The following PTGR2 variants were observed in gnomAD, a reference collection of about 807,000 sequenced individuals.
PTGR2 encodes 15-oxoprostaglandin 13-reductase.
In PTGR2, 32 loss-of-function variants were observed where a neutral mutation model predicts 43.4. The observed-to-expected ratio is 0.74, with a 90% confidence interval of 0.56 to 0.99. The LOEUF (loss-of-function observed/expected upper bound fraction) is 0.99, where lower values mean the gene tolerates loss of function less well. Ranked by LOEUF, PTGR2 falls within the 50% of genes least tolerant of loss-of-function variation. The pLI is 0.00. For missense variants in PTGR2, 373 were observed against 420.0 expected, an observed-to-expected ratio of 0.89 and a Z score of 0.98; for synonymous variants, 106 against 139.2, an observed-to-expected ratio of 0.76 and a Z score of 1.68.
chr14:73,876,085 C>G (rs540195504), intron 4 of PTGR2, among the ~76,000 whole-genome samples: 2 of 152,040 alleles, frequency 1.3e-5, no homozygotes, highest in African/African-American at 2.4e-5. Context: ...TCCTTAAGTA[C>G]TGGGATTACA....
At position 73,880,151 on chromosome 14, in the gene PTGR2, A is replaced by G; in HGVS notation, c.826A>G (p.Ile276Val). 1 of 1,613,990 alleles carries G rather than the reference A, an allele frequency of 6.2e-7. No individual in the cohort carries two copies. The highest frequency in any genetic ancestry group is 8.5e-7 in the Non-Finnish European group (1 of 1,179,914). The stretch of plus-strand genomic sequence containing the variant: ...CCCGCTATCCCCTGCTATAGAGGCA[A>G]TCCAGAAAGAAAGAAACATCACAAG... ...PPPLSPAIEA[I>V]QKERNITRER... The change falls in exon 7 of 10, where the codon ATC becomes GTC. Residue 276 changes from isoleucine (I) to valine (V), a missense_variant. Ile to Val is a conservative substitution (Grantham distance 29). Transcript: ENST00000555661.
intron 1 of PTGR2, among the ~76,000 whole-genome samples, chr14:73,856,372 A>G (rs1786777364): frequency 6.6e-6 from 1 of 151,928 alleles, no homozygotes; most frequent in Non-Finnish European, 1.5e-5. Flanking sequence ...CAGCCTCCCA[A>G]GTAGCTGGGA....
At chr14:73,883,528 C>T (rs551928387) in intron 9 of PTGR2, among the ~76,000 whole-genome samples, 64 of 151,798 alleles carry the variant, frequency 4.2e-4, no homozygotes, top group Admixed American at 2.4e-3. Context: ...CTCTGTCACC[C>T]GGGCTGGAGT....
chr14:73,867,099 A>AC, intron 3 of PTGR2, among the ~76,000 whole-genome samples: 1 of 146,804 alleles, frequency 6.8e-6, no homozygotes, highest in African/African-American at 2.5e-5. Flanking sequence ...AAAAAAAAAA[A>AC]AAAAAAAAAC....
intron 3 of PTGR2, among the ~76,000 whole-genome samples, chr14:73,864,789 T>G (rs189572090): frequency 5.3e-5 from 8 of 152,310 alleles, no homozygotes; most frequent in Non-Finnish European, 1.0e-4. Context: ...CAAAAGTTTT[T>G]AATTTTGATA....
At chr14:73,853,821 T>G (rs1315878566) in intron 1 of PTGR2, among the ~76,000 whole-genome samples, 1 of 152,208 alleles carries the variant, frequency 6.6e-6, no homozygotes, top group Non-Finnish European at 1.5e-5. Context: ...AGAAGTACTC[T>G]GTTCTTCCTA....
intron 1 of PTGR2, among the ~76,000 whole-genome samples, chr14:73,853,372 G>C (rs943251178): frequency 6.6e-6 from 1 of 151,532 alleles, no homozygotes; most frequent in Non-Finnish European, 1.5e-5. Context: ...GCCCATGCTG[G>C]AGTGCAATGG....
At chr14:73,881,848 A>G (rs959517630) in intron 8 of PTGR2, among the ~76,000 whole-genome samples, 3 of 132,240 alleles carry the variant, frequency 2.3e-5, no homozygotes, top group Non-Finnish European at 4.6e-5. Context: ...CAGTGGCGCA[A>G]TCTCGGCTCA....
At chr14:73,878,678 G>A (rs2054917011) in intron 5 of PTGR2, 5 of 419,118 alleles carry the variant, frequency 1.2e-5, no homozygotes, top group Non-Finnish European at 2.4e-5. Context: ...ATGACCATAA[G>A]GGTAAACAAC....
chr14:73,884,080 A>AC lies in PTGR2; in HGVS notation c.980-19dup, dbSNP rs766428484. Reference sequence around the variant, plus strand: ...ATAGTGACATTTATCTTTTCAGATAACCTACTTTCTCTTTTTCCAGCTGCA... The same window carrying AC: ...ATAGTGACATTTATCTTTTCAGATAACCCTACTTTCTCTTTTTCCAGCTGCA... On this transcript the variant is annotated intron_variant, in intron 9 of 9. Transcript: ENST00000555661. 7 of 1,496,122 alleles carry AC rather than the reference A, an allele frequency of 4.7e-6. No individual in the cohort carries two copies. In the African/African-American group the frequency reaches 9.7e-5, roughly 21 times the overall value. 92.7% of individuals were successfully genotyped at this position (1,496,122 alleles called of 1,614,324 possible).
chr14:73,857,276 A>G (rs2054370625), intron 1 of PTGR2, among the ~76,000 whole-genome samples: 1 of 149,994 alleles, frequency 6.7e-6, no homozygotes, highest in Non-Finnish European at 1.5e-5. Flanking sequence ...TAAGAAGGCA[A>G]AGGAATTTCC....
chr14:73,876,939 C>A, intron 4 of PTGR2, 59 bp from the exon 5 acceptor site: 1 of 1,337,402 alleles, frequency 7.5e-7, no homozygotes, highest in Non-Finnish European at 1.1e-6. Context: ...GTTGTCTCTA[C>A]TTTGTTGTCT....
At chr14:73,868,661 C>A (rs1340164966) in intron 3 of PTGR2, among the ~76,000 whole-genome samples, 1 of 152,074 alleles carries the variant, frequency 6.6e-6, no homozygotes, top group Non-Finnish European at 1.5e-5. Context: ...AGATGCTGCA[C>A]AACTTAAGAA....
At chr14:73,857,676 T>TTTTTTTTTTTTC in intron 1 of PTGR2, among the ~76,000 whole-genome samples, 1 of 127,558 alleles carries the variant, frequency 7.8e-6, no homozygotes, top group Admixed American at 7.9e-5. Context: ...TTTTTTTTTT[T>TTTTTTTTTTTTC]TTTTTTTTTT....
chr14:73,875,491 G>A (rs527394758), intron 4 of PTGR2, among the ~76,000 whole-genome samples: 42 of 152,168 alleles, frequency 2.8e-4, no homozygotes, highest in African/African-American at 7.5e-4. Context: ...GATTACAGGC[G>A]TCTACCACCA....
intron 2 of PTGR2, 95 bp downstream of exon 2, chr14:73,858,994 A>G: frequency 1.0e-6 from 1 of 957,478 alleles, no homozygotes; most frequent in Non-Finnish European, 1.6e-6. Context: ...GTGGTAAATT[A>G]AGGTAGTAAG....
intron 3 of PTGR2, among the ~76,000 whole-genome samples, chr14:73,864,780 A>C (rs1197499654): frequency 1.3e-5 from 2 of 152,154 alleles, no homozygotes; most frequent in African/African-American, 4.8e-5. Context: ...ATTGAAGCAC[A>C]AAAGTTTTTA....
rs1486175315 is a variant in PTGR2 at position 73,885,015 on chromosome 14, C to A, written c.*838C>A. 1 of 152,172 alleles carries A rather than the reference C, an allele frequency of 6.6e-6. No homozygotes were observed. Among genetic ancestry groups the A allele is most frequent in the African/African-American group, 2.4e-5 (1 of 41,436 alleles). 9.4% of individuals were successfully genotyped at this position (152,172 alleles called of 1,614,324 possible). ...GTGATTAAAAAGATTGACAGCCGGG[C>A]CTGATGTCTCAAGCCTGTAATCCTA... is the stretch of plus-strand genomic sequence containing the variant. On this transcript the variant is annotated 3_prime_UTR_variant, in exon 10 of 10. Coordinates refer to ENST00000555661, the MANE Select transcript of PTGR2 (RefSeq NM_001146154.2).
At chr14:73,865,736 CTTTTT>C (rs956932039) in intron 3 of PTGR2, among the ~76,000 whole-genome samples, 15 of 145,302 alleles carry the variant, frequency 1.0e-4, no homozygotes, top group East Asian at 4.0e-4. Flanking sequence ...CGTGTCAGCA[CTTTTT>C]TTTTTTTTAA....
Sources: allele counts gnomAD v4.1 joint callset (sites outside exome capture counted in the v4.1 genomes callset), GRCh38; gene constraint gnomAD v4.1.1; transcripts MANE v1.5; gene names NCBI Gene and HGNC (gene_info 2026-07-23, HGNC 2026-07-21).